Variants in TRIQK observed in about 807,000 individuals in gnomAD.
The protein encoded by TRIQK is triple QxxK/R motif containing.
In TRIQK, 10 loss-of-function variants were observed where a neutral mutation model predicts 10.8. The ratio of observed to expected loss-of-function variants is 0.92; its 90% CI spans 0.57 to 1.57. The LOEUF (loss-of-function observed/expected upper bound fraction) is 1.57, where lower values mean the gene tolerates loss of function less well. Among genes scored for constraint, TRIQK ranks in the 40% most tolerant of loss-of-function variants. TRIQK has a pLI of 0.00. For synonymous variants in TRIQK, 33 were observed against 33.7 expected, an observed-to-expected ratio of 0.98 and a Z score of 0.07; for missense variants, 107 against 97.7, an observed-to-expected ratio of 1.09 and a Z score of -0.40.
chr8:92,970,681 G>A (rs1332780916), upstream of TRIQK, among the ~76,000 whole-genome samples: 3 of 152,060 alleles, frequency 2.0e-5, no homozygotes, highest in African/African-American at 7.2e-5. Context: ...TAAGTTCCCT[G>A]TAGATTGTAG....
chr8:92,940,963 TAAC>T (rs1347361853), intron 2 of TRIQK: 2 of 152,116 alleles, frequency 1.3e-5, no homozygotes, highest in Non-Finnish European at 2.9e-5. Flanking sequence ...TAGAAATCAA[TAAC>T]AAGAAGAACT....
At chr8:92,983,189 G>A (rs1050441964) in intron 1 of TRIQK, among the ~76,000 whole-genome samples, 1 of 152,000 alleles carries the variant, frequency 6.6e-6, no homozygotes, top group Non-Finnish European at 1.5e-5. Flanking sequence ...CCCATGCTCT[G>A]GGACACTACT....
intron 3 of TRIQK, among the ~76,000 whole-genome samples, chr8:92,893,641 A>G (rs1183144637): frequency 6.6e-6 from 1 of 152,064 alleles, no homozygotes; most frequent in African/African-American, 2.4e-5. Flanking sequence ...TCACATCTCT[A>G]CAGTCAAACT....
At chr8:93,007,255 C>T (rs190220075) in intron 1 of TRIQK, among the ~76,000 whole-genome samples, 4 of 152,246 alleles carry the variant, frequency 2.6e-5, no homozygotes, top group East Asian at 1.9e-4. Flanking sequence ...AGCAGCCCTA[C>T]GGAAGCACAT....
upstream of TRIQK, among the ~76,000 whole-genome samples, chr8:92,970,703 T>A (rs983799727): frequency 2.6e-5 from 4 of 152,172 alleles, no homozygotes; most frequent in Non-Finnish European, 4.4e-5. Flanking sequence ...TATTAGACCT[T>A]TGTCAGATGG....
intron 2 of TRIQK, among the ~76,000 whole-genome samples, chr8:92,919,038 T>A (rs1408125812): frequency 6.6e-6 from 1 of 151,844 alleles, no homozygotes; most frequent in Non-Finnish European, 1.5e-5. Context: ...ACTCTAAGTG[T>A]GTGGATTTAG....
intron 1 of TRIQK, among the ~76,000 whole-genome samples, chr8:93,011,125 C>G (rs536117476): frequency 1.3e-5 from 2 of 151,838 alleles, no homozygotes; most frequent in South Asian, 4.2e-4. Flanking sequence ...GAGTGTCACA[C>G]ATGCTCATAT....
chr8:92,925,866 T>A (rs1320747059), intron 2 of TRIQK, among the ~76,000 whole-genome samples: 1 of 152,190 alleles, frequency 6.6e-6, no homozygotes, highest in South Asian at 2.1e-4. Flanking sequence ...GAGAGATAAA[T>A]GTATATGGTT....
intron 3 of TRIQK, among the ~76,000 whole-genome samples, chr8:92,900,529 TA>T (rs1388435726): frequency 1.2e-4 from 18 of 152,190 alleles, no homozygotes; most frequent in Admixed American, 1.2e-3. Flanking sequence ...TTAGCACCTT[TA>T]TCAAAAATGA....
chr8:93,003,544 G>T (rs529282744), intron 1 of TRIQK, among the ~76,000 whole-genome samples: 1 of 151,698 alleles, frequency 6.6e-6, no homozygotes, highest in Non-Finnish European at 1.5e-5. Flanking sequence ...TTCCTCCCCC[G>T]GTCCCTCCCA....
Position 93,002,369 on chromosome 8 carries a change from G to A in TRIQK, c.-181+15240C>T, listed in dbSNP as rs1481587777. Reference sequence around the variant, plus strand: ...GATAAAACTGACAAGCTTTTAGCTAGACTATCAAAAAAGAAAGAAGACTCA... The same window carrying A: ...GATAAAACTGACAAGCTTTTAGCTAAACTATCAAAAAAGAAAGAAGACTCA... On this transcript the variant is annotated intron_variant, in intron 1 of 4. Coordinates refer to the TRIQK transcript ENST00000520686. 6.6e-5 allele frequency among the ~76,000 whole-genome samples: 10 copies of A among 151,986 alleles called. No individual in the cohort carries two copies. The East Asian group carries it at 1.5e-3, about 23-fold the overall frequency.
intron 1 of TRIQK, among the ~76,000 whole-genome samples, chr8:93,013,991 G>A (rs1008657986): frequency 6.6e-6 from 1 of 152,100 alleles, no homozygotes; most frequent in African/African-American, 2.4e-5. Context: ...ACCATCAAAT[G>A]TATGCTAACA....
At chr8:92,889,872 T>G (rs1026208839) in intron 4 of TRIQK, among the ~76,000 whole-genome samples, 1 of 151,748 alleles carries the variant, frequency 6.6e-6, no homozygotes, top group African/African-American at 2.4e-5. Flanking sequence ...GCTATTCTCA[T>G]TGCTGTTATT....
intron 2 of TRIQK, among the ~76,000 whole-genome samples, chr8:92,938,260 T>A (rs964214622): frequency 3.9e-5 from 6 of 152,020 alleles, no homozygotes; most frequent in Admixed American, 1.3e-4. Context: ...TATTTTAAAA[T>A]TTTTAATTGA....
chr8:92,944,088 C>T (rs748984311), intron 2 of TRIQK, among the ~76,000 whole-genome samples: 1 of 152,022 alleles, frequency 6.6e-6, no homozygotes, highest in Non-Finnish European at 1.5e-5. Flanking sequence ...GGAAGACATA[C>T]AAATGGCCAA....
In TRIQK at chr8:92,901,281, T is replaced by C. The variant is rs191923770; in HGVS notation, c.62-9207A>G. On this transcript the variant is annotated intron_variant, in intron 3 of 4. Transcript: ENST00000521988. Reference sequence around the variant, plus strand: ...TCTAGCTATGACTTCCAGTACCATGTTGAATAACGGGGGTGGAAAGTGAGC... The same window carrying C: ...TCTAGCTATGACTTCCAGTACCATGCTGAATAACGGGGGTGGAAAGTGAGC... 7.9e-5 allele frequency among the ~76,000 whole-genome samples: 12 copies of C among 152,304 alleles called. No homozygotes were observed. The East Asian group carries it at 2.3e-3, about 29-fold the overall frequency.
At chr8:92,918,053 G>A (rs1402446082) in intron 2 of TRIQK, among the ~76,000 whole-genome samples, 2 of 151,958 alleles carry the variant, frequency 1.3e-5, no homozygotes, top group East Asian at 3.9e-4. Context: ...GCAAATGGCA[G>A]CGTTTCATTT....
At chr8:92,941,624 C>T (rs998080780) in intron 2 of TRIQK, among the ~76,000 whole-genome samples, 1 of 151,720 alleles carries the variant, frequency 6.6e-6, no homozygotes, top group East Asian at 1.9e-4. Context: ...TAAAAAAATA[C>T]AAAAAGTCAA....
At chr8:92,977,584 A>G (rs1278329870) in intron 1 of TRIQK, among the ~76,000 whole-genome samples, 7 of 152,086 alleles carry the variant, frequency 4.6e-5, no homozygotes, top group Non-Finnish European at 1.0e-4. Context: ...GAAGATAGTT[A>G]TAACTGCTTA....
Sources: allele counts gnomAD v4.1 joint callset (sites outside exome capture counted in the v4.1 genomes callset), GRCh38; gene constraint gnomAD v4.1.1; transcripts MANE v1.5; gene names NCBI Gene and HGNC (gene_info 2026-07-23, HGNC 2026-07-21).